NT5C3A: variants seen among roughly 807,000 people sequenced by gnomAD.
NT5C3A encodes 5'-nucleotidase, cytosolic IIIA.
In NT5C3A, 23 loss-of-function variants were observed where a neutral mutation model predicts 40.0. That is an observed-to-expected ratio of 0.58 (90% confidence interval 0.41 to 0.81). The LOEUF is 0.81. Ranked by LOEUF, NT5C3A falls within the 40% of genes least tolerant of loss-of-function variation. The pLI is 0.00. For synonymous variants in NT5C3A, 130 were observed against 141.4 expected, an observed-to-expected ratio of 0.92 and a Z score of 0.57; for missense variants, 328 against 403.0, an observed-to-expected ratio of 0.81 and a Z score of 1.59.
chr7:33,018,677 C>T (rs571347054), intron 6 of NT5C3A, among the ~76,000 whole-genome samples: 13 of 152,012 alleles, frequency 8.6e-5, no homozygotes, highest in South Asian at 2.1e-4. Flanking sequence ...GGTGAAACCC[C>T]GTCTCTACTA....
chr7:33,034,850 TAAG>T (rs1312959590), intron 1 of NT5C3A, among the ~76,000 whole-genome samples: 5 of 152,274 alleles, frequency 3.3e-5, no homozygotes, highest in South Asian at 2.1e-4. Context: ...ACAACAATAA[TAAG>T]AACACAAAGA....
intron 5 of NT5C3A, among the ~76,000 whole-genome samples, chr7:33,020,435 GA>G (rs1397816037): frequency 6.6e-6 from 1 of 152,136 alleles, no homozygotes; most frequent in Non-Finnish European, 1.5e-5. Context: ...TCCATTGCCA[GA>G]AAACTCTTAA....
chr7:33,034,143 G>A (rs373594538), intron 1 of NT5C3A, among the ~76,000 whole-genome samples: 22 of 151,774 alleles, frequency 1.4e-4, no homozygotes, highest in Middle Eastern at 3.2e-3. Flanking sequence ...TGCCCACCTC[G>A]GCCTCTCAAA....
chr7:33,056,768 G>A (rs1156655608), intron 1 of NT5C3A, among the ~76,000 whole-genome samples: 1 of 152,074 alleles, frequency 6.6e-6, no homozygotes, highest in Non-Finnish European at 1.5e-5. Context: ...ACTCAATAGT[G>A]GGCTTTCGAT....
chr7:33,032,454 GTTTT>G (rs913843417), intron 1 of NT5C3A, among the ~76,000 whole-genome samples: 1 of 145,526 alleles, frequency 6.9e-6, no homozygotes, highest in South Asian at 2.3e-4. Flanking sequence ...TTACTTTTAT[GTTTT>G]TTTATTTTTA....
chr7:33,030,427 G>A (rs1257937113), intron 1 of NT5C3A, among the ~76,000 whole-genome samples: 2 of 152,074 alleles, frequency 1.3e-5, no homozygotes, highest in Non-Finnish European at 2.9e-5. Flanking sequence ...CAAATTTGAA[G>A]GGCAAGGTAT....
At chr7:33,038,834 T>C (rs1267954609) in intron 1 of NT5C3A, 3 of 456,430 alleles carry the variant, frequency 6.6e-6, no homozygotes, top group Admixed American at 2.3e-5. Flanking sequence ...AATGGTCATC[T>C]GTTGCAGATG....
At chr7:33,021,980 G>A in intron 4 of NT5C3A, 73 bp downstream of exon 4, 1 of 839,346 alleles carries the variant, frequency 1.2e-6, no homozygotes, top group Non-Finnish European at 2.1e-6. Flanking sequence ...TTCTGTGAAT[G>A]CACCTGAAGA....
chr7:33,036,657 C>A (rs1407704562), intron 1 of NT5C3A, among the ~76,000 whole-genome samples: 1 of 152,044 alleles, frequency 6.6e-6, no homozygotes, highest in African/African-American at 2.4e-5. Context: ...ACTTTCTCTA[C>A]ATGTAAGGAT....
intron 1 of NT5C3A, 77 bp from the exon 2 acceptor site, chr7:33,026,992 G>T: frequency 1.1e-6 from 1 of 914,776 alleles, no homozygotes; most frequent in Non-Finnish European, 1.7e-6. Context: ...GCAGAAACCT[G>T]TCTTATTTAA....
At chr7:33,041,161 GAA>G in intron 1 of NT5C3A, 2 of 984,224 alleles carry the variant, frequency 2.0e-6, no homozygotes, top group Non-Finnish European at 2.4e-6. Flanking sequence ...GCTCTGGAAA[GAA>G]AAGAGGAACC....
At chr7:33,055,606 G>T (rs186531830) in intron 1 of NT5C3A, among the ~76,000 whole-genome samples, 1 of 152,070 alleles carries the variant, frequency 6.6e-6, no homozygotes, top group Non-Finnish European at 1.5e-5. Flanking sequence ...AAACATGGAC[G>T]CATTGGCCAT....
intron 1 of NT5C3A, among the ~76,000 whole-genome samples, chr7:33,034,592 T>C (rs1786478609): frequency 6.6e-6 from 1 of 152,222 alleles, no homozygotes; most frequent in African/African-American, 2.4e-5. Context: ...AAACTGGCAA[T>C]ACTGGACTAT....
rs762099117 is a variant in NT5C3A at position 33,022,102 on chromosome 7, A to G, written c.308-3T>C. ...CAGCTTACAGTTGTCAATGATATCT[A>G]AAGATAGAAAGCAAAATAAGCATTA... On this transcript the variant is annotated splice_region_variant and splice_polypyrimidine_tract_variant and intron_variant, in intron 3 of 8. Transcript: ENST00000610140. 15 of 1,443,446 alleles carry G rather than the reference A, an allele frequency of 1.0e-5. No homozygotes were observed. Among genetic ancestry groups the G allele is most frequent in the African/African-American group, 1.4e-5 (1 of 71,530 alleles). The allele number at this position is 1,443,446 out of a possible 1,614,324, so 89.4% of individuals were successfully genotyped here. A position where few individuals can be genotyped will look rare whatever the true frequency, so the allele number is the denominator to read the frequency against.
intron 1 of NT5C3A, among the ~76,000 whole-genome samples, chr7:33,056,067 G>A (rs1218317967): frequency 6.6e-6 from 1 of 152,098 alleles, no homozygotes; most frequent in South Asian, 2.1e-4. Context: ...CTATCATCAT[G>A]TCATTGCATT....
At chr7:33,033,426 A>G (rs1786393620) in intron 1 of NT5C3A, among the ~76,000 whole-genome samples, 1 of 152,228 alleles carries the variant, frequency 6.6e-6, no homozygotes, top group Non-Finnish European at 1.5e-5. Context: ...AAGATAGTGT[A>G]GGCCAAATTC....
chr7:33,025,505 A>G (rs1451887037), intron 2 of NT5C3A, among the ~76,000 whole-genome samples: 2 of 152,212 alleles, frequency 1.3e-5, no homozygotes, highest in African/African-American at 4.8e-5. Context: ...GATTTAATTT[A>G]CATGTAACAC....
At chr7:33,041,004 G>A in intron 1 of NT5C3A, 3 of 985,428 alleles carry the variant, frequency 3.0e-6, no homozygotes, top group Admixed American at 6.1e-5. Context: ...ACCTTGTGAC[G>A]CACTGCTGCA....
chr7:33,025,677 G>A (rs1452315111), intron 2 of NT5C3A, among the ~76,000 whole-genome samples: 2 of 152,158 alleles, frequency 1.3e-5, no homozygotes, highest in African/African-American at 2.4e-5. Context: ...CACAGCATGA[G>A]TTAGCTTCTT....
Sources: allele counts gnomAD v4.1 joint callset (sites outside exome capture counted in the v4.1 genomes callset), GRCh38; gene constraint gnomAD v4.1.1; transcripts MANE v1.5; gene names NCBI Gene and HGNC (gene_info 2026-07-23, HGNC 2026-07-21).